Variants in PREX2 observed in about 807,000 individuals in gnomAD.
The protein encoded by PREX2 is phosphatidylinositol 3,4,5-trisphosphate-dependent Rac exchanger 2 protein.
PREX2 carries 107 observed loss-of-function variants against 203.2 expected under a neutral mutation model. That is an observed-to-expected ratio of 0.53 (90% CI 0.45 to 0.62). The LOEUF is 0.62. Among genes scored for constraint, PREX2 ranks in the 20% least tolerant of loss-of-function variants. The pLI is 0.00. For missense variants in PREX2, 1,777 were observed against 1,955.9 expected (o/e 0.91, Z 1.72); for synonymous variants, 672 against 663.6 (o/e 1.01, Z -0.19).
intron 35 of PREX2, among the ~76,000 whole-genome samples, chr8:68,184,505 C>T (rs951555649): frequency 6.6e-5 from 10 of 152,044 alleles, no homozygotes; most frequent in African/African-American, 1.7e-4. Flanking sequence ...AACCTAATAC[C>T]GTTTAGAATA....
rs1030253726 is a variant in PREX2 at position 68,171,295 on chromosome 8, T to A, written c.4346+13859T>A. On this transcript the variant is annotated intron_variant, in intron 35 of 39. Coordinates refer to ENST00000288368, the MANE Select transcript of PREX2 (RefSeq NM_024870.4). ...AGTTTTAAAAGCCAAATATATTTTATGTAATAAGTAGAAGGAAGATAGATA... is the reference window on the plus strand; with the variant it reads ...AGTTTTAAAAGCCAAATATATTTTAAGTAATAAGTAGAAGGAAGATAGATA... Among the ~76,000 whole-genome samples, 18 of 152,312 alleles carry A rather than the reference T, an allele frequency of 1.2e-4. No homozygotes were observed. The East Asian group carries it at 3.5e-3, about 29-fold the overall frequency.
chr8:68,144,490 T>C (rs1415348531), intron 33 of PREX2, among the ~76,000 whole-genome samples: 3 of 152,212 alleles, frequency 2.0e-5, no homozygotes, highest in Non-Finnish European at 4.4e-5. Flanking sequence ...ATTCCACTTG[T>C]TCACTGCTGG....
At chr8:68,002,537 G>A (rs1354702647) in intron 1 of PREX2, among the ~76,000 whole-genome samples, 2 of 152,122 alleles carry the variant, frequency 1.3e-5, no homozygotes, top group Non-Finnish European at 1.5e-5. Context: ...TAATAGAAGC[G>A]TTCAGTGTAC....
intron 34 of PREX2, among the ~76,000 whole-genome samples, chr8:68,153,557 G>A (rs1413060378): frequency 6.6e-6 from 1 of 152,078 alleles, no homozygotes; most frequent in African/African-American, 2.4e-5. Flanking sequence ...TTTTATGGAT[G>A]AGAACTAAGG....
At chr8:68,082,671 G>A (rs1809564831) in intron 17 of PREX2, 1 of 152,366 alleles carries the variant, frequency 6.6e-6, no homozygotes, top group Non-Finnish European at 1.5e-5. Context: ...GTTGAGAAGT[G>A]CATGCTGGTT....
At position 68,090,570 on chromosome 8, in the gene PREX2, T is replaced by C; in HGVS notation, c.2114-9T>C. ...TTGTTTTTGGTTATTTTCTCATTTG[T>C]ATTTATAGGAACTGTGGCTGCAGCA... On this transcript the variant is annotated splice_polypyrimidine_tract_variant and intron_variant, in intron 19 of 39. Coordinates refer to ENST00000288368, the MANE Select transcript of PREX2 (RefSeq NM_024870.4). 1.3e-6 allele frequency: 2 copies of C among 1,598,312 alleles called. No homozygotes were observed. Among genetic ancestry groups the C allele is most frequent in the Non-Finnish European group, 1.7e-6 (2 of 1,168,106 alleles).
At chr8:68,090,034 T>G (rs895883218) in intron 19 of PREX2, among the ~76,000 whole-genome samples, 1 of 152,206 alleles carries the variant, frequency 6.6e-6, no homozygotes, top group African/African-American at 2.4e-5. Flanking sequence ...AATTCCCATC[T>G]TTCTGACTTT....
At chr8:67,971,002 T>C (rs1805910474) in intron 1 of PREX2, among the ~76,000 whole-genome samples, 1 of 152,218 alleles carries the variant, frequency 6.6e-6, no homozygotes, top group Non-Finnish European at 1.5e-5. Flanking sequence ...GGTTGTCCCA[T>C]TTCATGGTGT....
chr8:68,070,548 A>G (rs569322654), intron 13 of PREX2, among the ~76,000 whole-genome samples: 2 of 152,234 alleles, frequency 1.3e-5, no homozygotes, highest in East Asian at 1.9e-4. Flanking sequence ...TACTTTTGCA[A>G]TATACACTGA....
intron 35 of PREX2, among the ~76,000 whole-genome samples, chr8:68,190,426 G>A (rs1735501633): frequency 6.6e-6 from 1 of 152,150 alleles, no homozygotes; most frequent in African/African-American, 2.4e-5. Flanking sequence ...ATGAGATTAT[G>A]TGCCTTGTAG....
chr8:67,991,587 C>T (rs1051939590), intron 1 of PREX2, among the ~76,000 whole-genome samples: 3 of 152,116 alleles, frequency 2.0e-5, no homozygotes, highest in African/African-American at 7.2e-5. Flanking sequence ...TCAGAATTCG[C>T]TAACTATCAT....
intron 11 of PREX2, among the ~76,000 whole-genome samples, chr8:68,066,079 A>G (rs1809008324): frequency 6.6e-6 from 1 of 152,166 alleles, no homozygotes; most frequent in Non-Finnish European, 1.5e-5. Context: ...ATTTTCAAGT[A>G]TGGAATACAT....
At chr8:68,174,210 C>A (rs1811936447) in intron 35 of PREX2, among the ~76,000 whole-genome samples, 1 of 152,160 alleles carries the variant, frequency 6.6e-6, no homozygotes, top group Admixed American at 6.5e-5. Flanking sequence ...TTTATCCCTG[C>A]ACCTGTCAGG....
intron 32 of PREX2, among the ~76,000 whole-genome samples, chr8:68,135,519 A>G (rs572103890): frequency 4.6e-5 from 7 of 152,208 alleles, no homozygotes; most frequent in Non-Finnish European, 8.8e-5. Flanking sequence ...ACTCAAAACC[A>G]CAGTGAAATA....
chr8:68,041,758 T>C (rs1454121466), intron 7 of PREX2, among the ~76,000 whole-genome samples: 1 of 152,072 alleles, frequency 6.6e-6, no homozygotes, highest in East Asian at 1.9e-4. Context: ...TTAGTGCAAT[T>C]ATTAAAGGTC....
At position 68,090,575 on chromosome 8, in the gene PREX2, A is replaced by C; in HGVS notation, c.2114-4A>C. ...TTTGGTTATTTTCTCATTTGTATTT[A>C]TAGGAACTGTGGCTGCAGCAGCTGG... On this transcript the variant is annotated splice_polypyrimidine_tract_variant and splice_region_variant and intron_variant, in intron 19 of 39. Coordinates refer to ENST00000288368, the MANE Select transcript of PREX2 (RefSeq NM_024870.4). 1 of 1,601,438 alleles carries C rather than the reference A, an allele frequency of 6.2e-7. No individual in the cohort carries two copies. The highest frequency in any genetic ancestry group is 8.5e-7 in the Non-Finnish European group (1 of 1,170,400).
chr8:68,063,394 G>C (rs1207847681), intron 11 of PREX2, among the ~76,000 whole-genome samples: 1 of 152,112 alleles, frequency 6.6e-6, no homozygotes, highest in African/African-American at 2.4e-5. Context: ...GTGCACAAGG[G>C]AAGTGTACAG....
intron 9 of PREX2, 79 bp from the exon 10 acceptor site, chr8:68,055,751 G>A (rs748174289): frequency 3.0e-6 from 4 of 1,334,980 alleles, no homozygotes; most frequent in African/African-American, 1.5e-5. Flanking sequence ...TGCAACAAAT[G>A]CTTGCTTAAT....
chr8:68,112,611 T>C (rs1419175388), intron 25 of PREX2, among the ~76,000 whole-genome samples: 4 of 152,150 alleles, frequency 2.6e-5, no homozygotes, highest in Non-Finnish European at 5.9e-5. Context: ...TAGATGCTTA[T>C]TTGCCAGGCA....
Sources: allele counts gnomAD v4.1 joint callset (sites outside exome capture counted in the v4.1 genomes callset), GRCh38; gene constraint gnomAD v4.1.1; transcripts MANE v1.5; gene names NCBI Gene and HGNC (gene_info 2026-07-23, HGNC 2026-07-21).